The following TCF12 variants were observed in gnomAD, a reference collection of about 807,000 sequenced individuals.
TCF12 encodes the protein DNA-binding protein HTF4.
A neutral mutation model predicts 86.0 loss-of-function variants in TCF12; 45 were observed. That is an observed-to-expected ratio of 0.52 (90% CI 0.41 to 0.67). The LOEUF is 0.67. TCF12 is among the 30% of genes least tolerant of loss of function. TCF12 has a pLI of 0.00. For synonymous variants in TCF12, 330 were observed against 299.6 expected, an observed-to-expected ratio of 1.10 and a Z score of -1.05; for missense variants, 881 against 859.9, an observed-to-expected ratio of 1.02 and a Z score of -0.31.
intron 4 of TCF12, among the ~76,000 whole-genome samples, chr15:57,090,266 GA>G (rs2048909016): frequency 6.6e-6 from 1 of 152,066 alleles, no homozygotes; most frequent in Non-Finnish European, 1.5e-5. Flanking sequence ...TCTGTGGAGT[GA>G]CGTTAGCTAA....
chr15:57,101,302 C>T (rs2049728480), intron 5 of TCF12, among the ~76,000 whole-genome samples: 2 of 152,058 alleles, frequency 1.3e-5, no homozygotes, highest in South Asian at 2.1e-4. Flanking sequence ...ACTTCCCAGG[C>T]TCCAGTGATC....
chr15:57,053,461 T>C (rs1251582371), intron 3 of TCF12, among the ~76,000 whole-genome samples: 2 of 152,188 alleles, frequency 1.3e-5, no homozygotes, highest in Non-Finnish European at 2.9e-5. Flanking sequence ...GAGTAGCTTT[T>C]TAGATTAATG....
At position 57,261,445 on chromosome 15, in the gene TCF12, G is replaced by A. The variant is rs192907420; in HGVS notation, c.1468-649G>A. Among the ~76,000 whole-genome samples, 6 of 152,178 alleles carry A rather than the reference G, an allele frequency of 3.9e-5. No individual in the cohort carries two copies. The East Asian group carries it at 9.6e-4, about 24-fold the overall frequency. ...TCATGCAAAGTCATGGAAGATAAAA[G>A]CTATATTAATTACTCAAGAGGGATT... is the stretch of plus-strand genomic sequence containing the variant. On this transcript the variant is annotated intron_variant, in intron 16 of 20. Transcript: ENST00000333725.
chr15:56,994,376 G>A (rs1220828059), intron 3 of TCF12, among the ~76,000 whole-genome samples: 2 of 152,072 alleles, frequency 1.3e-5, no homozygotes, highest in Non-Finnish European at 2.9e-5. Flanking sequence ...GGAAGAGGTA[G>A]TCAACATATA....
intron 3 of TCF12, among the ~76,000 whole-genome samples, chr15:57,049,807 A>T (rs567722231): frequency 6.6e-6 from 1 of 152,332 alleles, no homozygotes; most frequent in African/African-American, 2.4e-5. Flanking sequence ...CGACAGTTGT[A>T]GTTGCTCTGC....
In TCF12 at chr15:57,128,515, T is replaced by C. The variant is rs897694824; in HGVS notation, c.325+36624T>C. On this transcript the variant is annotated intron_variant, in intron 5 of 20. Coordinates refer to ENST00000333725, the MANE Select transcript of TCF12 (RefSeq NM_207037.2). The stretch of plus-strand genomic sequence containing the variant: ...CAGTAACCACAATTCTGCTCTGTAC[T>C]TCAGTGTTTTTAATAATAGTTTTAT... Among the ~76,000 whole-genome samples the C allele has an allele frequency of 1.4e-4, 21 of 152,216 alleles. 1 individual carries two copies. The highest frequency in any genetic ancestry group is 6.3e-3 in the Middle Eastern group (2 of 316).
intron 8 of TCF12, among the ~76,000 whole-genome samples, chr15:57,210,460 A>G (rs571016699): frequency 6.6e-6 from 1 of 152,176 alleles, no homozygotes; most frequent in South Asian, 2.1e-4. Flanking sequence ...TCATCAGAAA[A>G]CTAAAAGTCT....
chr15:56,995,502 T>C (rs1345672105), intron 3 of TCF12, among the ~76,000 whole-genome samples: 1 of 152,086 alleles, frequency 6.6e-6, no homozygotes, highest in Non-Finnish European at 1.5e-5. Context: ...CAGTGTTTTG[T>C]AATTCTCCTT....
At chr15:57,169,676 A>G (rs1237036941) in intron 6 of TCF12, among the ~76,000 whole-genome samples, 1 of 150,224 alleles carries the variant, frequency 6.7e-6, no homozygotes, top group Non-Finnish European at 1.5e-5. Flanking sequence ...TGTTAACATT[A>G]CTGCTAAACT....
At chr15:57,233,154 A>ATGTG (rs1483849351) in intron 11 of TCF12, among the ~76,000 whole-genome samples, 2 of 150,634 alleles carry the variant, frequency 1.3e-5, no homozygotes, top group East Asian at 3.9e-4. Context: ...ATGTGTATAT[A>ATGTG]TGTGTGTGTA....
At chr15:56,951,908 A>G (rs2061293197) in intron 3 of TCF12, among the ~76,000 whole-genome samples, 1 of 152,166 alleles carries the variant, frequency 6.6e-6, no homozygotes, top group Admixed American at 6.5e-5. Flanking sequence ...ATGGGCTTCC[A>G]AAGTGCTGGG....
chr15:56,918,475 C>A (rs572628686), upstream of TCF12: 9 of 323,280 alleles, frequency 2.8e-5, no homozygotes, highest in East Asian at 1.2e-4. Flanking sequence ...CCAACTCCGT[C>A]CCGCCTCACC....
At chr15:57,259,343 GATTA>G (rs1567002830) in intron 16 of TCF12, among the ~76,000 whole-genome samples, 1 of 152,118 alleles carries the variant, frequency 6.6e-6, no homozygotes, top group Non-Finnish European at 1.5e-5. Flanking sequence ...TATTAATAGT[GATTA>G]ATTTAAATCA....
chr15:57,113,609 G>A (rs1439514550), intron 5 of TCF12, among the ~76,000 whole-genome samples: 1 of 151,328 alleles, frequency 6.6e-6, no homozygotes, highest in African/African-American at 2.4e-5. Flanking sequence ...AAGGAGTACT[G>A]TCATTGTCTG....
chr15:57,069,478 C>T (rs11631541), intron 4 of TCF12, among the ~76,000 whole-genome samples: 1 of 151,956 alleles, frequency 6.6e-6, no homozygotes, highest in Non-Finnish European at 1.5e-5. Context: ...AGTCATTTAT[C>T]TTTTTGCTCT....
intron 17 of TCF12, among the ~76,000 whole-genome samples, chr15:57,262,752 C>G (rs1251707119): frequency 2.0e-5 from 3 of 152,174 alleles, no homozygotes; most frequent in Non-Finnish European, 4.4e-5. Flanking sequence ...GCCTGTTTTA[C>G]TGTTTATCCA....
upstream of TCF12, chr15:56,918,389 CGA>C: frequency 5.4e-6 from 2 of 371,898 alleles, no homozygotes; most frequent in East Asian, 8.2e-5. Context: ...GAGGCCCGGA[CGA>C]GGCTTCGTCG....
intron 4 of TCF12, among the ~76,000 whole-genome samples, chr15:57,064,554 G>A (rs1170731345): frequency 6.6e-6 from 1 of 152,214 alleles, no homozygotes; most frequent in East Asian, 1.9e-4. Flanking sequence ...CAGCACTTTG[G>A]GAGGTTGAGG....
intron 3 of TCF12, among the ~76,000 whole-genome samples, chr15:56,925,091 C>G (rs1213994177): frequency 6.6e-6 from 1 of 152,056 alleles, no homozygotes; most frequent in Non-Finnish European, 1.5e-5. Flanking sequence ...CCCAGCTACT[C>G]AGGAGGCTGG....
Sources: gnomAD v4.1 joint callset for allele counts (sites outside exome capture counted in the v4.1 genomes callset) on GRCh38, gnomAD v4.1.1 for gene constraint, MANE v1.5 for transcripts, NCBI Gene and HGNC (gene_info 2026-07-23, HGNC 2026-07-21) for gene names.